The following TCF4 variants were observed in gnomAD, a reference collection of about 807,000 sequenced individuals.
TCF4 encodes the protein SL3-3 enhancer factor 2.
A neutral mutation model predicts 82.1 loss-of-function variants in TCF4; 3 were observed. The observed-to-expected ratio is 0.04, with a 90% CI of 0.02 to 0.09. The LOEUF (loss-of-function observed/expected upper bound fraction) is 0.09, where lower values mean the gene tolerates loss of function less well. Among genes scored for constraint, TCF4 ranks in the 10% least tolerant of loss-of-function variants. The probability of loss-of-function intolerance (pLI) is 1.00; values close to 1 mark genes in which losing one functional copy is unlikely to be tolerated. For missense variants in TCF4, 518 were observed against 852.7 expected (o/e 0.61, Z 4.89); for synonymous variants, 276 against 309.6 (o/e 0.89, Z 1.14).
At position 55,234,329 on chromosome 18, in the gene TCF4, C is replaced by A. The variant is rs896374830; in HGVS notation, c.1486+219G>T. 24 of 644,456 alleles carry A rather than the reference C, an allele frequency of 3.7e-5. No homozygotes were observed. In the African/African-American group the frequency reaches 3.8e-4, roughly 10 times the overall value. The allele number at this position is 644,456 out of a possible 1,614,324, so 39.9% of individuals were successfully genotyped here. On this transcript the variant is annotated intron_variant, in intron 16 of 19. Transcript: ENST00000354452. ...GGCCTCATTCCCTGCTGATATAGGA[C>A]CAGGATTTCAGAGGATGTTTGAGGA...
chr18:55,455,591 C>T (rs1434376472), intron 5 of TCF4, among the ~76,000 whole-genome samples: 1 of 151,164 alleles, frequency 6.6e-6, no homozygotes, highest in Non-Finnish European at 1.5e-5. Flanking sequence ...AGCAAAGGGG[C>T]CTGCTTGTAT....
chr18:55,323,534 T>A (rs1007384650), intron 8 of TCF4, among the ~76,000 whole-genome samples: 1 of 152,204 alleles, frequency 6.6e-6, no homozygotes, highest in Non-Finnish European at 1.5e-5. Flanking sequence ...GCTCTGCATT[T>A]ATTCGGAAGG....
intron 2 of TCF4, among the ~76,000 whole-genome samples, chr18:55,622,842 G>T (rs1007407553): frequency 6.6e-6 from 1 of 151,100 alleles, no homozygotes; most frequent in Non-Finnish European, 1.5e-5. Flanking sequence ...GCATTTGCAC[G>T]AGAGTTCTCT....
chr18:55,232,734 G>T (rs1485784485), intron 16 of TCF4, 63 bp from the exon 17 acceptor site: 1 of 1,583,026 alleles, frequency 6.3e-7, no homozygotes. Flanking sequence ...ACACCAGATT[G>T]CAAGGCTGCC....
chr18:55,498,433 A>G (rs2096661681), intron 3 of TCF4, among the ~76,000 whole-genome samples: 1 of 152,182 alleles, frequency 6.6e-6, no homozygotes, highest in South Asian at 2.1e-4. Context: ...TGCCAGTGTC[A>G]TGACCATGGT....
intron 2 of TCF4, among the ~76,000 whole-genome samples, chr18:55,617,019 T>G (rs916758458): frequency 1.3e-5 from 2 of 152,138 alleles, no homozygotes; most frequent in East Asian, 3.8e-4. Context: ...AAGACCAATA[T>G]TGTGAAGTTT....
chr18:55,307,678 A>C (rs1180665889), intron 8 of TCF4, among the ~76,000 whole-genome samples: 2 of 152,238 alleles, frequency 1.3e-5, no homozygotes, highest in African/African-American at 4.8e-5. Context: ...TGGTATTTGC[A>C]TAACAGGAAC....
chr18:55,228,949 G>A lies in TCF4; in HGVS notation c.1777C>T (p.Arg593Cys). The A allele has an allele frequency of 6.2e-7, 1 of 1,614,116 alleles. No individual in the cohort carries two copies. The highest frequency in any genetic ancestry group is 8.5e-7 in the Non-Finnish European group (1 of 1,180,016). Reference protein sequence around the residue: ...DINEAFKELGRMVQLHLKSDK... With the variant: ...DINEAFKELGCMVQLHLKSDK... ...CTCTTGAGGTGGAGCTGCACCATGC[G>A]GCCGAGCTCTTTGAAAGCCTCGTTG... Residue 593 changes from arginine to cysteine, a missense_variant, in exon 18 of 20, where the codon CGC becomes TGC. Coordinates refer to ENST00000354452, the MANE Select transcript of TCF4 (RefSeq NM_001083962.2).
intron 3 of TCF4, among the ~76,000 whole-genome samples, chr18:55,496,629 T>C (rs182899712): frequency 6.6e-6 from 1 of 152,192 alleles, no homozygotes; most frequent in East Asian, 1.9e-4. Context: ...ACATGAGTTT[T>C]CTCCTCCATC....
chr18:55,449,928 T>A (rs1359028047), intron 5 of TCF4, among the ~76,000 whole-genome samples: 1 of 134,852 alleles, frequency 7.4e-6, no homozygotes, highest in East Asian at 1.9e-4. Context: ...AGTTAGCATA[T>A]CACTTTTGCC....
intron 8 of TCF4, among the ~76,000 whole-genome samples, chr18:55,285,736 G>A (rs1358458610): frequency 6.6e-6 from 1 of 152,140 alleles, no homozygotes; most frequent in African/African-American, 2.4e-5. Flanking sequence ...TTTGCCACTC[G>A]CCGTCAGGAC....
At chr18:55,396,500 A>T (rs1478883987) in intron 6 of TCF4, among the ~76,000 whole-genome samples, 1 of 152,158 alleles carries the variant, frequency 6.6e-6, no homozygotes, top group Non-Finnish European at 1.5e-5. Flanking sequence ...AGCTTCACAG[A>T]GCACCACAGC....
Position 55,400,865 on chromosome 18 carries a change from T to C in TCF4, c.369+2589A>G, listed in dbSNP as rs996851218. The C allele has an allele frequency of 1.5e-5, 13 of 872,070 alleles. No homozygotes were observed. In the East Asian group the frequency reaches 3.1e-4, roughly 21 times the overall value. The allele number at this position is 872,070 out of a possible 1,614,324, so 54.0% of individuals were successfully genotyped here. A position where few individuals can be genotyped will look rare whatever the true frequency, so the allele number is the denominator to read the frequency against. On this transcript the variant is annotated intron_variant, in intron 6 of 19. Coordinates refer to ENST00000354452, the MANE Select transcript of TCF4 (RefSeq NM_001083962.2). ...AGCACTGCTCACCCCTTTAAGTCCA[T>C]AGGATACACTGTTATAATACGATAA...
At position 55,568,266 on chromosome 18, in the gene TCF4, C is replaced by T. The variant is rs616521; in HGVS notation, c.145+17014G>A. The stretch of plus-strand genomic sequence containing the variant: ...TAGAAAACACACAAGAAAAATAATC[C>T]ACAAAGCCAAAAGTTGGTTTGAAAA... On this transcript the variant is annotated intron_variant, in intron 3 of 19. Coordinates refer to ENST00000354452, the MANE Select transcript of TCF4 (RefSeq NM_001083962.2). Among the ~76,000 whole-genome samples the T allele has an allele frequency of 4.0e-3, 595 of 148,612 alleles. 5 individuals carry two copies. Among genetic ancestry groups the T allele is most frequent in the African/African-American group, 0.014 (579 of 40,694 alleles).
At chr18:55,568,660 A>G (rs2097431639) in intron 3 of TCF4, among the ~76,000 whole-genome samples, 1 of 152,114 alleles carries the variant, frequency 6.6e-6, no homozygotes, top group African/African-American at 2.4e-5. Flanking sequence ...AATTTTACAG[A>G]TAAGTTTGAC....
chr18:55,420,768 C>G (rs917964784), intron 5 of TCF4, among the ~76,000 whole-genome samples: 1 of 152,050 alleles, frequency 6.6e-6, no homozygotes, highest in Non-Finnish European at 1.5e-5. Flanking sequence ...ATATTAGAAG[C>G]TGGTCAAAGA....
intron 8 of TCF4, among the ~76,000 whole-genome samples, chr18:55,282,226 G>A (rs1451257220): frequency 1.3e-5 from 2 of 151,726 alleles, no homozygotes; most frequent in Admixed American, 6.6e-5. Flanking sequence ...TTAAAGAAGG[G>A]AACCAACAAA....
intron 8 of TCF4, among the ~76,000 whole-genome samples, chr18:55,307,891 C>T (rs932274866): frequency 1.3e-5 from 2 of 152,186 alleles, no homozygotes; most frequent in East Asian, 3.8e-4. Flanking sequence ...AATTGTCTCA[C>T]CTGTTAAAGT....
intron 6 of TCF4, among the ~76,000 whole-genome samples, chr18:55,396,803 T>C (rs199687385): frequency 6.6e-6 from 1 of 152,066 alleles, no homozygotes; most frequent in East Asian, 1.9e-4. Flanking sequence ...GCTTCCAACA[T>C]CCTCCAGGTA....
Sources: gnomAD v4.1 joint callset for allele counts (sites outside exome capture counted in the v4.1 genomes callset) on GRCh38, gnomAD v4.1.1 for gene constraint, MANE v1.5 for transcripts, NCBI Gene and HGNC (gene_info 2026-07-23, HGNC 2026-07-21) for gene names.